Variants in SP2 observed in about 807,000 individuals in gnomAD.
SP2 encodes transcription factor Sp2.
A neutral mutation model predicts 50.1 loss-of-function variants in SP2; 9 were observed. The ratio of observed to expected loss-of-function variants is 0.18; its 90% CI spans 0.11 to 0.31. The LOEUF is 0.31. Among genes scored for constraint, SP2 ranks in the 10% least tolerant of loss-of-function variants. SP2 has a pLI of 1.00. For missense variants in SP2, 581 were observed against 806.5 expected, an observed-to-expected ratio of 0.72 and a Z score of 3.39; for synonymous variants, 313 against 326.6, an observed-to-expected ratio of 0.96 and a Z score of 0.45.
At position 47,928,663 on chromosome 17, in the gene SP2, C is replaced by G. The variant is rs1207410277; in HGVS notation, c.*839C>G. ...ACAGCACCTGCACATCCTGCACCTCCTCCCTCTCCCTTCACCTCACCCCTG... is the reference window on the plus strand; with the variant it reads ...ACAGCACCTGCACATCCTGCACCTCGTCCCTCTCCCTTCACCTCACCCCTG... On this transcript the variant is annotated 3_prime_UTR_variant, in exon 7 of 7. Coordinates refer to ENST00000376741, the MANE Select transcript of SP2 (RefSeq NM_003110.6). The G allele has an allele frequency of 6.5e-6, 1 of 152,910 alleles. No homozygotes were observed. Among genetic ancestry groups the G allele is most frequent in the South Asian group, 2.1e-4 (1 of 4,830 alleles). The allele number at this position is 152,910 out of a possible 1,614,324, so 9.5% of individuals were successfully genotyped here.
chr17:47,920,954 C>T (rs574674791), intron 3 of SP2, among the ~76,000 whole-genome samples: 3 of 152,292 alleles, frequency 2.0e-5, no homozygotes, highest in African/African-American at 7.2e-5. Flanking sequence ...TTTATTTCCT[C>T]CTCTCTGCAG....
chr17:47,906,197 G>A (rs1047450909), intron 1 of SP2, among the ~76,000 whole-genome samples: 1 of 152,224 alleles, frequency 6.6e-6, no homozygotes, highest in Non-Finnish European at 1.5e-5. Context: ...TCATGGTGAT[G>A]AGGATGGGGA....
chr17:47,904,855 G>A (rs770827300), intron 1 of SP2, among the ~76,000 whole-genome samples: 1 of 152,062 alleles, frequency 6.6e-6, no homozygotes, highest in African/African-American at 2.4e-5. Context: ...CTGCAGCCTC[G>A]ACTTCCTGGA....
rs200254744 is a variant in SP2, at chr17:47,916,532, A to G, written c.461A>G (p.Asn154Ser). 3.2e-5 allele frequency: 51 copies of G among 1,613,690 alleles called. No homozygotes were observed. The highest frequency in any genetic ancestry group is 2.7e-4 in the Admixed American group (16 of 59,972). ...QTIQVQPNLT[N>S]QIQIIPGTNQ... ...ATCCAAGTACAGCCCAATCTCACCA[A>G]CCAGATCCAGATCATCCCTGGCACC... Residue 154 changes from asparagine to serine, a missense_variant, in exon 3 of 7, where the codon AAC becomes AGC. Around this residue, in one of 2 missense-constraint regions of SP2, gnomAD observed 397 missense variants for 491.0 expected, o/e 0.81. Coordinates refer to ENST00000376741, the MANE Select transcript of SP2 (RefSeq NM_003110.6). This position sits in a 1 kb window ranked among gnomAD's most constrained non-coding sequence, Gnocchi z 4.7.
At chr17:47,919,028 TACAC>T (rs147467124) in intron 3 of SP2, among the ~76,000 whole-genome samples, 1 of 151,522 alleles carries the variant, frequency 6.6e-6, no homozygotes, top group Non-Finnish European at 1.5e-5. Context: ...CATGCACGCA[TACAC>T]ACACACACAC....
Position 47,916,136 on chromosome 17 carries a change from T to G in SP2, c.85-20T>G. 1 of 1,584,820 alleles carries G rather than the reference T, an allele frequency of 6.3e-7. No homozygotes were observed. The highest frequency in any genetic ancestry group is 1.3e-5 in the African/African-American group (1 of 74,548). On this transcript the variant is annotated intron_variant, in intron 2 of 6. Coordinates refer to ENST00000376741, the MANE Select transcript of SP2 (RefSeq NM_003110.6). The surrounding 1 kb of genome is among the most constrained non-coding windows in gnomAD (Gnocchi z 4.7). ...GCGGGCCTTCCTGTCTCACTCCTTTTCTCTGCTGTTTTTTTGCAGGACTCC... is the reference window on the plus strand; with the variant it reads ...GCGGGCCTTCCTGTCTCACTCCTTTGCTCTGCTGTTTTTTTGCAGGACTCC...
rs527702331 is a variant in SP2, at chr17:47,925,390, C to G, written c.1590C>G (p.Pro530=). 2 of 1,614,164 alleles carry G rather than the reference C, an allele frequency of 1.2e-6. No individual in the cohort carries two copies. Among genetic ancestry groups the G allele is most frequent in the South Asian group, 2.2e-5 (2 of 91,080 alleles). ...AGAAGAAGCACGTGTGCCACATCCCCGACTGTGGCAAGACGTTCCGTAAGA... is the reference window on the plus strand; with the variant it reads ...AGAAGAAGCACGTGTGCCACATCCCGGACTGTGGCAAGACGTTCCGTAAGA... ...QGKKKHVCHI[P]DCGKTFRKTS... is the part of the protein sequence containing the mutation. The change falls in exon 6 of 7, where the codon CCC becomes CCG. Residue 530 remains proline (P), a synonymous_variant. Coordinates refer to ENST00000376741, the MANE Select transcript of SP2 (RefSeq NM_003110.6).
At chr17:47,923,985 C>G (rs1335654047) in intron 4 of SP2, among the ~76,000 whole-genome samples, 12 of 152,142 alleles carry the variant, frequency 7.9e-5, no homozygotes, top group Non-Finnish European at 4.4e-5. Context: ...CAGGTGTGAG[C>G]CACCGTGCCC....
rs545131775 is a variant in SP2 at position 47,919,609 on chromosome 17, G to A, written c.1059+2479G>A. On this transcript the variant is annotated intron_variant, in intron 3 of 6. Transcript: ENST00000376741. ...ATGATCCCCCTTGTCATTTCTGAAC[G>A]CTTTAATTCCTACACACAAGAACAT... 9.7e-4 allele frequency among the ~76,000 whole-genome samples: 147 copies of A among 151,666 alleles called. 1 individual carries two copies. The highest frequency in any genetic ancestry group is 3.4e-3 in the Middle Eastern group (1 of 294).
chr17:47,910,484 A>G (rs569772829), intron 1 of SP2, among the ~76,000 whole-genome samples: 53 of 152,296 alleles, frequency 3.5e-4, no homozygotes, highest in African/African-American at 1.2e-3. Flanking sequence ...GGCTTAGATT[A>G]TTTTCATTAT....
chr17:47,931,561 G>T (rs941191147), downstream of SP2, among the ~76,000 whole-genome samples: 1 of 152,138 alleles, frequency 6.6e-6, no homozygotes, highest in Non-Finnish European at 1.5e-5. Context: ...CAGAGAATGG[G>T]GTGTTCGGGT....
intron 3 of SP2, among the ~76,000 whole-genome samples, chr17:47,920,140 T>TCGGCTCTTTTTTTCTCTTTGGCCATTGG (rs1417814090): frequency 1.3e-5 from 2 of 151,780 alleles, no homozygotes; most frequent in Admixed American, 1.3e-4. Flanking sequence ...CTCTTTCAGG[T>TCGGCTCTTTTTTTCTCTTTGGCCATTGG]CGGCTCTTTT....
At chr17:47,903,653 C>G (rs912609288) in intron 1 of SP2, among the ~76,000 whole-genome samples, 6 of 147,168 alleles carry the variant, frequency 4.1e-5, no homozygotes, top group Non-Finnish European at 4.5e-5. Flanking sequence ...CAGAGCAACA[C>G]GGATGACGTG....
At chr17:47,905,804 C>T (rs774882648) in intron 1 of SP2, among the ~76,000 whole-genome samples, 3 of 152,130 alleles carry the variant, frequency 2.0e-5, no homozygotes, top group African/African-American at 7.2e-5. Context: ...GGGAGGAGGT[C>T]AGGAAAGGCT....
chr17:47,919,015 A>ACC (rs1555558187), intron 3 of SP2, among the ~76,000 whole-genome samples: 1 of 148,438 alleles, frequency 6.7e-6, no homozygotes, highest in African/African-American at 2.5e-5. Flanking sequence ...ACACACACAC[A>ACC]TGCATGCACG....
chr17:47,919,910 C>T (rs2035374429), intron 3 of SP2, among the ~76,000 whole-genome samples: 1 of 137,392 alleles, frequency 7.3e-6, no homozygotes, highest in South Asian at 2.4e-4. Flanking sequence ...AATCTTGGCT[C>T]ACTGCAACCT....
rs532336405 is a variant in SP2 at position 47,912,035 on chromosome 17, C to G, written c.8-3277C>G. ...GTTCACAAGAATATTATGAAAATGTCAGCCAGATGCCTGTTGAAATAAAAT... is the reference window on the plus strand; with the variant it reads ...GTTCACAAGAATATTATGAAAATGTGAGCCAGATGCCTGTTGAAATAAAAT... On this transcript the variant is annotated intron_variant, in intron 1 of 6. Coordinates refer to ENST00000376741, the MANE Select transcript of SP2 (RefSeq NM_003110.6). Among the ~76,000 whole-genome samples, 14 of 152,272 alleles carry G rather than the reference C, an allele frequency of 9.2e-5. No homozygotes were observed. The South Asian group carries it at 2.9e-3, about 32-fold the overall frequency.
In SP2 at chr17:47,925,443, T is replaced by A; in HGVS notation, c.1643T>A (p.Leu548Gln). 6.2e-7 allele frequency: 1 copy of A among 1,614,158 alleles called. No individual in the cohort carries two copies. The highest frequency in any genetic ancestry group is 8.5e-7 in the Non-Finnish European group (1 of 1,179,958). ...KTSLLRAHVR[L>Q]HTGERPFVCN... The stretch of plus-strand genomic sequence containing the variant: ...TCCTTGCTGCGTGCCCATGTGCGCC[T>A]GCACACTGGCGAGCGGCCCTTTGTC... The change falls in exon 6 of 7, where the codon CTG becomes CAG. Residue 548 changes from leucine (L) to glutamine (Q), a missense_variant. Physicochemically the swap from Leu to Gln is moderately radical, Grantham distance 113. Around this residue, in one of 2 missense-constraint regions of SP2, gnomAD observed 184 missense variants for 315.5 expected, o/e 0.58. Coordinates refer to ENST00000376741, the MANE Select transcript of SP2 (RefSeq NM_003110.6).
At chr17:47,910,383 T>C (rs2034935575) in intron 1 of SP2, among the ~76,000 whole-genome samples, 1 of 152,222 alleles carries the variant, frequency 6.6e-6, no homozygotes, top group African/African-American at 2.4e-5. Flanking sequence ...TGTATGCATA[T>C]GGTGGGTCTT....
Sources: allele counts gnomAD v4.1 joint callset (sites outside exome capture counted in the v4.1 genomes callset), GRCh38; gene constraint gnomAD v4.1.1; regional missense constraint gnomAD v4.1.1; non-coding constraint Gnocchi (gnomAD v3.1); transcripts MANE v1.5; gene names NCBI Gene and HGNC (gene_info 2026-07-23, HGNC 2026-07-21).